MRTFB: variants seen among roughly 807,000 people sequenced by gnomAD.
MRTFB encodes the protein myocardin related transcription factor B.
MRTFB carries 29 observed loss-of-function variants against 104.2 expected under a neutral mutation model. The observed-to-expected ratio is 0.28, with a 90% CI of 0.21 to 0.38. The LOEUF (loss-of-function observed/expected upper bound fraction) is 0.38, where lower values mean the gene tolerates loss of function less well. Ranked by LOEUF, MRTFB falls within the 10% of genes least tolerant of loss-of-function variation. The pLI, the probability that MRTFB is intolerant of heterozygous loss-of-function variation, is 1.00. For synonymous variants in MRTFB, 535 were observed against 519.5 expected, an observed-to-expected ratio of 1.03 and a Z score of -0.41; for missense variants, 1,270 against 1,341.6, an observed-to-expected ratio of 0.95 and a Z score of 0.83.
chr16:14,128,623 T>A (rs2037278835), intron 2 of MRTFB, among the ~76,000 whole-genome samples: 1 of 152,212 alleles, frequency 6.6e-6, no homozygotes, highest in African/African-American at 2.4e-5. Flanking sequence ...AGATCTTAGA[T>A]ATCTTTCCAT....
At chr16:14,121,578 C>T (rs1246387537) in intron 2 of MRTFB, among the ~76,000 whole-genome samples, 2 of 152,076 alleles carry the variant, frequency 1.3e-5, no homozygotes, top group African/African-American at 4.8e-5. Context: ...AACTCTAGTG[C>T]TTCTGTGGTG....
At chr16:14,126,551 A>C (rs1239646359) in intron 2 of MRTFB, among the ~76,000 whole-genome samples, 1 of 152,252 alleles carries the variant, frequency 6.6e-6, no homozygotes, top group African/African-American at 2.4e-5. Context: ...ATTATTTCAC[A>C]TAATCGATGC....
the MRTFB span, among the ~76,000 whole-genome samples, chr16:14,038,245 AC>A: frequency 6.6e-6 from 1 of 152,200 alleles, no homozygotes. Context: ...TATTATAAAA[AC>A]ACCAGTCATT....
the MRTFB span, among the ~76,000 whole-genome samples, chr16:14,032,649 G>A: frequency 6.6e-6 from 1 of 152,128 alleles, no homozygotes; most frequent in Non-Finnish European, 1.5e-5. Context: ...GTAACCTGGA[G>A]ACCCACTACT....
the MRTFB span, among the ~76,000 whole-genome samples, chr16:13,997,294 G>A: frequency 6.6e-6 from 1 of 151,970 alleles, no homozygotes; most frequent in South Asian, 2.1e-4. Context: ...CTAATGTGAG[G>A]GCAACTTTGA....
At chr16:14,093,201 G>GT (rs1228024041) in intron 2 of MRTFB, among the ~76,000 whole-genome samples, 3 of 151,176 alleles carry the variant, frequency 2.0e-5, no homozygotes, top group Admixed American at 1.3e-4. Flanking sequence ...GAAAAGCACA[G>GT]TTGTATTTAT....
intron 3 of MRTFB, among the ~76,000 whole-genome samples, chr16:14,180,381 A>T (rs1292158730): frequency 6.6e-6 from 1 of 152,260 alleles, no homozygotes; most frequent in African/African-American, 2.4e-5. Flanking sequence ...GACTGATCAT[A>T]TCATCTGAGG....
At chr16:14,224,409 G>A (rs2041904225) in intron 8 of MRTFB, among the ~76,000 whole-genome samples, 1 of 152,080 alleles carries the variant, frequency 6.6e-6, no homozygotes, top group Admixed American at 6.6e-5. Context: ...CAGTGTAAAT[G>A]GTTTTTTAAA....
At chr16:14,193,740 G>T (rs191776231) in intron 3 of MRTFB, 1 of 152,108 alleles carries the variant, frequency 6.6e-6, no homozygotes, top group Non-Finnish European at 1.5e-5. Flanking sequence ...GAAAGTGTTC[G>T]TGGGGCTGCT....
At chr16:14,249,165 C>T (rs781565624) in intron 13 of MRTFB, 84 bp downstream of exon 13, 31 of 1,468,354 alleles carry the variant, frequency 2.1e-5, no homozygotes, top group Non-Finnish European at 2.8e-5. Flanking sequence ...TTTGTAAACG[C>T]CCTGGGAAGT....
At chr16:14,047,842 A>C in the MRTFB span, among the ~76,000 whole-genome samples, 1 of 151,994 alleles carries the variant, frequency 6.6e-6, no homozygotes, top group Non-Finnish European at 1.5e-5. Flanking sequence ...AAAACTTATT[A>C]CTCTGCTCCC....
chr16:14,067,454 C>T (rs996339864), upstream of MRTFB, among the ~76,000 whole-genome samples: 48 of 152,196 alleles, frequency 3.2e-4, no homozygotes, highest in African/African-American at 1.1e-3. Flanking sequence ...AACTCCTGAC[C>T]TCAAGTGATC....
chr16:14,131,008 A>G (rs1229697893), intron 2 of MRTFB, among the ~76,000 whole-genome samples: 1 of 152,188 alleles, frequency 6.6e-6, no homozygotes, highest in Non-Finnish European at 1.5e-5. Context: ...GGGAACTACA[A>G]TTCAAGGTGA....
intron 10 of MRTFB, among the ~76,000 whole-genome samples, chr16:14,242,237 A>G (rs1412906293): frequency 6.6e-6 from 1 of 152,070 alleles, no homozygotes; most frequent in Non-Finnish European, 1.5e-5. Flanking sequence ...GATAGGAAGA[A>G]TCCATCAGAG....
At chr16:14,240,988 A>G (rs2042742484) in intron 10 of MRTFB, 1 of 507,950 alleles carries the variant, frequency 2.0e-6, no homozygotes, top group Non-Finnish European at 3.4e-6. Context: ...GTGCCTCTTC[A>G]TTGGAAGGTG....
intron 2 of MRTFB, among the ~76,000 whole-genome samples, chr16:14,115,704 A>C (rs992663716): frequency 1.3e-5 from 2 of 152,232 alleles, no homozygotes; most frequent in African/African-American, 4.8e-5. Context: ...AAATAGCCTC[A>C]AATCAGCTCA....
At chr16:14,075,909 G>T (rs1375747441) in intron 1 of MRTFB, among the ~76,000 whole-genome samples, 1 of 152,106 alleles carries the variant, frequency 6.6e-6, no homozygotes, top group Non-Finnish European at 1.5e-5. Context: ...TTGTTTTCAT[G>T]TAGATAAGAT....
intron 11 of MRTFB, 84 bp from the exon 12 acceptor site, chr16:14,246,388 TA>T: frequency 1.5e-6 from 2 of 1,358,308 alleles, no homozygotes; most frequent in Non-Finnish European, 2.0e-6. Flanking sequence ...CTGACAGACA[TA>T]GGCACCTTTC....
At chr16:14,204,025 A>G (rs2040834830) in intron 3 of MRTFB, among the ~76,000 whole-genome samples, 2 of 152,106 alleles carry the variant, frequency 1.3e-5, no homozygotes, top group Admixed American at 6.5e-5. Context: ...CCGTGGTACA[A>G]TCATAGCTCA....
Sources: allele counts gnomAD v4.1 joint callset (sites outside exome capture counted in the v4.1 genomes callset), GRCh38; gene constraint gnomAD v4.1.1; transcripts MANE v1.5; gene names NCBI Gene and HGNC (gene_info 2026-07-23, HGNC 2026-07-21).